The following OSBPL10 variants were observed in gnomAD, a reference collection of about 807,000 sequenced individuals.
OSBPL10 encodes the protein oxysterol-binding protein-related protein 10.
OSBPL10 carries 49 observed loss-of-function variants against 81.7 expected under a neutral mutation model. That is an observed-to-expected ratio of 0.60 (90% CI 0.48 to 0.76). The LOEUF (loss-of-function observed/expected upper bound fraction) is 0.76, where lower values mean the gene tolerates loss of function less well. Among genes scored for constraint, OSBPL10 ranks in the 30% least tolerant of loss-of-function variants. The probability of loss-of-function intolerance (pLI) is 0.00; values close to 1 mark genes in which losing one functional copy is unlikely to be tolerated. For synonymous variants in OSBPL10, 419 were observed against 383.6 expected, an observed-to-expected ratio of 1.09 and a Z score of -1.08; for missense variants, 923 against 987.8, an observed-to-expected ratio of 0.93 and a Z score of 0.88.
At chr3:31,832,356 C>T (rs6783333) in intron 3 of OSBPL10, among the ~76,000 whole-genome samples, 113,517 of 152,084 alleles carry the variant, frequency 0.75, 42,788 homozygotes, top group East Asian at 0.93. Context: ...TTGAACTATA[C>T]GTATGTATTC....
intron 8 of OSBPL10, among the ~76,000 whole-genome samples, chr3:31,682,273 T>C (rs975113266): frequency 6.6e-6 from 1 of 152,162 alleles, no homozygotes; most frequent in African/African-American, 2.4e-5. Context: ...AACTATGAGA[T>C]TGAGCCTGGT....
intron 6 of OSBPL10, among the ~76,000 whole-genome samples, chr3:31,732,300 GCTA>G (rs10575678): frequency 0.1 from 15,918 of 152,130 alleles, 1,589 homozygotes; most frequent in African/African-American, 0.27. Flanking sequence ...TAAGAGTTAT[GCTA>G]CTACATCACT....
chr3:31,666,915 G>A (rs932848672), intron 10 of OSBPL10, among the ~76,000 whole-genome samples: 8 of 152,044 alleles, frequency 5.3e-5, no homozygotes, highest in African/African-American at 1.4e-4. Context: ...CAGATAAAGG[G>A]GGCTACTGTA....
chr3:31,902,375 G>C (rs1006079009), intron 1 of OSBPL10, among the ~76,000 whole-genome samples: 1 of 149,150 alleles, frequency 6.7e-6, no homozygotes, highest in Non-Finnish European at 1.5e-5. Context: ...CGATTCTCCT[G>C]CCTCAGCCTT....
intron 4 of OSBPL10, among the ~76,000 whole-genome samples, chr3:31,805,397 C>G (rs1435050063): frequency 6.6e-6 from 1 of 152,172 alleles, no homozygotes; most frequent in African/African-American, 2.4e-5. Flanking sequence ...TCCAGAAGCT[C>G]ATGGGGCTTC....
chr3:31,842,724 C>G (rs888435156), intron 3 of OSBPL10, among the ~76,000 whole-genome samples: 1 of 152,140 alleles, frequency 6.6e-6, no homozygotes, highest in Admixed American at 6.5e-5. Context: ...AGAGTTTCAT[C>G]TTGTGTTAAA....
intron 6 of OSBPL10, among the ~76,000 whole-genome samples, chr3:31,705,568 A>G (rs1696037416): frequency 6.6e-6 from 1 of 152,218 alleles, no homozygotes; most frequent in African/African-American, 2.4e-5. Context: ...ATGGAGTTTT[A>G]AAGACACAAA....
In OSBPL10 at chr3:31,795,992, C is replaced by G. The variant is rs7625286; in HGVS notation, c.729+34048G>C. ...TACAGCTCTGCACTTCGTGTTCATA[C>G]AAGAATTCACACTGGGTAAAAGCCT... On this transcript the variant is annotated intron_variant, in intron 4 of 11. Transcript: ENST00000396556. 1,862 of 208,346 alleles carry G rather than the reference C, an allele frequency of 8.9e-3. 36 individuals are homozygous for G. The highest frequency in any genetic ancestry group is 0.041 in the African/African-American group (1,767 of 42,640). The allele number at this position is 208,346 out of a possible 1,614,324, so 12.9% of individuals were successfully genotyped here. A position where few individuals can be genotyped will look rare whatever the true frequency, so the allele number is the denominator to read the frequency against.
intron 1 of OSBPL10, among the ~76,000 whole-genome samples, chr3:31,929,620 C>T (rs372194459): frequency 6.6e-6 from 1 of 151,680 alleles, no homozygotes; most frequent in African/African-American, 2.4e-5. Flanking sequence ...TGGTGGCAGC[C>T]GCCTGTAGTC....
intron 3 of OSBPL10, among the ~76,000 whole-genome samples, chr3:31,846,752 G>A (rs1161414028): frequency 7.0e-6 from 1 of 141,908 alleles, no homozygotes; most frequent in Non-Finnish European, 1.6e-5. Context: ...AAATCCAAAG[G>A]TCTTATCCCA....
chr3:31,853,115 A>T (rs1700810702), intron 3 of OSBPL10, among the ~76,000 whole-genome samples: 1 of 152,164 alleles, frequency 6.6e-6, no homozygotes, highest in African/African-American at 2.4e-5. Flanking sequence ...AAGGCTTAGG[A>T]GGGACGGAAG....
At chr3:31,972,756 T>C (rs1288628831) in intron 1 of OSBPL10, among the ~76,000 whole-genome samples, 1 of 152,168 alleles carries the variant, frequency 6.6e-6, no homozygotes, top group Non-Finnish European at 1.5e-5. Context: ...AAAACTGATA[T>C]TGGTTGCCTT....
chr3:31,980,139 G>T (rs1211130078), intron 1 of OSBPL10, among the ~76,000 whole-genome samples: 1 of 151,974 alleles, frequency 6.6e-6, no homozygotes, highest in East Asian at 1.9e-4. Flanking sequence ...GGAGTAGCTG[G>T]AATTACAGGC....
chr3:31,969,055 C>A (rs1698482990), intron 1 of OSBPL10, among the ~76,000 whole-genome samples: 1 of 152,156 alleles, frequency 6.6e-6, no homozygotes, highest in African/African-American at 2.4e-5. Flanking sequence ...CAAAAAAGTT[C>A]TGTGCTGTGT....
At chr3:32,044,506 C>T (rs1699605925) in intron 2 of OSBPL10, among the ~76,000 whole-genome samples, 1 of 151,028 alleles carries the variant, frequency 6.6e-6, no homozygotes, top group Admixed American at 6.6e-5. Flanking sequence ...CTTTGGGAGG[C>T]CAAGGCGGGC....
At chr3:31,735,880 C>G (rs1400541567) in intron 5 of OSBPL10, among the ~76,000 whole-genome samples, 3 of 152,192 alleles carry the variant, frequency 2.0e-5, no homozygotes, top group Non-Finnish European at 4.4e-5. Context: ...TGTCTCTCCT[C>G]CCTGGAATGT....
chr3:31,790,133 C>T (rs761993962), intron 4 of OSBPL10, among the ~76,000 whole-genome samples: 1 of 152,020 alleles, frequency 6.6e-6, no homozygotes, highest in Non-Finnish European at 1.5e-5. Flanking sequence ...TAGACATGAC[C>T]GATAAACACA....
intron 4 of OSBPL10, among the ~76,000 whole-genome samples, chr3:31,779,912 C>T (rs749910841): frequency 2.0e-5 from 3 of 152,164 alleles, no homozygotes; most frequent in Admixed American, 1.3e-4. Context: ...CAAGAATATA[C>T]AAATACATAG....
intron 1 of OSBPL10, among the ~76,000 whole-genome samples, chr3:31,965,861 A>G (rs1319231556): frequency 2.0e-5 from 2 of 100,600 alleles, no homozygotes; most frequent in Non-Finnish European, 3.5e-5. Flanking sequence ...AAGATAATAT[A>G]TAATACATAT....
Sources: gnomAD v4.1 joint callset for allele counts (sites outside exome capture counted in the v4.1 genomes callset) on GRCh38, gnomAD v4.1.1 for gene constraint, MANE v1.5 for transcripts, NCBI Gene and HGNC (gene_info 2026-07-23, HGNC 2026-07-21) for gene names.